The following PCDHA10 variants were observed in gnomAD, a reference collection of about 807,000 sequenced individuals.
The protein encoded by PCDHA10 is protocadherin alpha 10.
Under a neutral mutation model 61.2 loss-of-function variants are expected in PCDHA10, and 45 were observed. The ratio of observed to expected loss-of-function variants is 0.74; its 90% CI spans 0.58 to 0.94. The LOEUF (loss-of-function observed/expected upper bound fraction) is 0.94, where lower values mean the gene tolerates loss of function less well. Among genes scored for constraint, PCDHA10 ranks in the 40% least tolerant of loss-of-function variants. The probability of loss-of-function intolerance (pLI) is 0.00; values close to 1 mark genes in which losing one functional copy is unlikely to be tolerated. For synonymous variants in PCDHA10, 602 were observed against 548.8 expected, an observed-to-expected ratio of 1.10 and a Z score of -1.35; for missense variants, 1,278 against 1,236.2, an observed-to-expected ratio of 1.03 and a Z score of -0.51.
In PCDHA10 at chr5:140,858,376, A is replaced by G; in HGVS notation, c.2328A>G (p.Pro776=). Residue 776 remains proline (P), a synonymous_variant, in exon 1 of 4, where the codon CCA becomes CCG. Transcript: ENST00000307360. The part of the protein sequence containing the change: ...DLMAFSPSLP[P]CPMVDVDGED... ...TGGCCTTCAGCCCCAGCCTTCCACC[A>G]TGCCCAATGGTAGATGTGGACGGGG... 2 of 1,587,998 alleles carry G rather than the reference A, an allele frequency of 1.3e-6. No homozygotes were observed.
chr5:140,869,086 A>G (rs1554162467), intron 1 of PCDHA10: 1 of 1,584,176 alleles, frequency 6.3e-7, no homozygotes, highest in African/African-American at 1.4e-5. Context: ...CTTATTTTGG[A>G]AGCCAATTTC....
In PCDHA10 at chr5:140,868,769, A is replaced by G. The variant is rs144958028; in HGVS notation, c.2388+10333A>G. 95 of 255,700 alleles carry G rather than the reference A, an allele frequency of 3.7e-4. No individual in the cohort carries two copies. In the Middle Eastern group the frequency reaches 9.0e-3, roughly 24 times the overall value. 15.8% of individuals were successfully genotyped at this position (255,700 alleles called of 1,614,324 possible). On this transcript the variant is annotated intron_variant, in intron 1 of 3. Coordinates refer to ENST00000307360, the MANE Select transcript of PCDHA10 (RefSeq NM_018901.4). ...CCATTTCCATATATATTTAGTTTCA[A>G]TATGACTTATAATCTGAATATTCCA... is the stretch of plus-strand genomic sequence containing the variant.
chr5:140,934,703 A>G (rs1348150058), intron 1 of PCDHA10, among the ~76,000 whole-genome samples: 1 of 152,156 alleles, frequency 6.6e-6, no homozygotes, highest in Non-Finnish European at 1.5e-5. Flanking sequence ...ATTCCTGGCC[A>G]TCTTACAAAA....
chr5:140,944,316 T>C lies in PCDHA10; in HGVS notation c.2389-34633T>C, dbSNP rs140163712. On this transcript the variant is annotated intron_variant, in intron 1 of 3. Coordinates refer to ENST00000307360, the MANE Select transcript of PCDHA10 (RefSeq NM_018901.4). ...GATCCTCCTACCTCAGCCTCCTGAG[T>C]AGCTGGGATTACAAGCACGTGCCAC... 4.3e-3 allele frequency among the ~76,000 whole-genome samples: 654 copies of C among 152,070 alleles called. 5 individuals carry two copies. The highest frequency in any genetic ancestry group is 5.5e-3 in the Non-Finnish European group (376 of 67,970).
chr5:140,856,138 C>T lies in PCDHA10; in HGVS notation c.90C>T (p.Leu30=), dbSNP rs1463600919. 4 of 1,598,158 alleles carry T rather than the reference C, an allele frequency of 2.5e-6. No homozygotes were observed. Among genetic ancestry groups the T allele is most frequent in the East Asian group, 4.5e-5 (2 of 44,856 alleles). ...CCTGGGAGGTGGGGAGCGGCCAGCT[C>T]CACTACTCAGTCTACGAGGAGGCCA... ...LAAWEVGSGQ[L]HYSVYEEARH... is the part of the protein sequence containing the mutation. The change falls in exon 1 of 4, where the codon CTC becomes CTT. Residue 30 remains leucine, a synonymous_variant. Coordinates refer to ENST00000307360, the MANE Select transcript of PCDHA10 (RefSeq NM_018901.4).
At chr5:140,862,635 C>G in intron 1 of PCDHA10, 1 of 538,778 alleles carries the variant, frequency 1.9e-6, no homozygotes, top group Non-Finnish European at 3.8e-6. Context: ...GCTGCCACGA[C>G]TTCACAGTGT....
chr5:140,884,155 C>T (rs781815602), intron 1 of PCDHA10: 1 of 1,613,430 alleles, frequency 6.2e-7, no homozygotes, highest in Non-Finnish European at 8.5e-7. Flanking sequence ...TGTACACTGG[C>T]GAGATCAGCA....
intron 1 of PCDHA10, among the ~76,000 whole-genome samples, chr5:140,964,205 T>C (rs1483183685): frequency 6.6e-6 from 1 of 152,212 alleles, no homozygotes; most frequent in Admixed American, 6.5e-5. Context: ...TACCATCTCT[T>C]TAGTACAATG....
intron 1 of PCDHA10, chr5:140,969,495 C>G: frequency 7.0e-7 from 1 of 1,437,888 alleles, no homozygotes; most frequent in Non-Finnish European, 9.2e-7. Context: ...TATTTCCTCT[C>G]TAGAAAAATA....
chr5:140,933,130 AAGGTAGAT>A (rs1554209200), intron 1 of PCDHA10, among the ~76,000 whole-genome samples: 1 of 151,994 alleles, frequency 6.6e-6, no homozygotes, highest in East Asian at 1.9e-4. Context: ...CTAAATAATA[AAGGTAGAT>A]AGCCACTCAT....
Position 140,858,089 on chromosome 5 carries a change from G to T in PCDHA10, c.2041G>T (p.Ala681Ser). The T allele has an allele frequency of 1.3e-6, 2 of 1,597,872 alleles. No individual in the cohort carries two copies. Among genetic ancestry groups the T allele is most frequent in the East Asian group, 2.2e-5 (1 of 44,826 alleles). ...GSQAPKASSR[A>S]SVGVAPEVAL... ...CCAGGCACCCAAGGCCTCGTCGCGG[G>T]CTTCAGTGGGCGTGGCGCCCGAGGT... Residue 681 changes from alanine (A) to serine (S), a missense_variant, in exon 1 of 4, where the codon GCT (alanine) becomes TCT (serine). Coordinates refer to ENST00000307360, the MANE Select transcript of PCDHA10 (RefSeq NM_018901.4).
intron 2 of PCDHA10, among the ~76,000 whole-genome samples, chr5:140,980,889 T>C (rs1554242442): frequency 2.6e-5 from 4 of 152,202 alleles, no homozygotes; most frequent in Non-Finnish European, 4.4e-5. Flanking sequence ...GTCTTTCCAG[T>C]CTTGGACATC....
chr5:140,862,513 A>G, intron 1 of PCDHA10: 1 of 408,216 alleles, frequency 2.4e-6, no homozygotes, highest in Non-Finnish European at 4.9e-6. Context: ...ACTCGCTTTC[A>G]TTGTTGGCCA....
rs199571672 is a variant in PCDHA10 at position 140,994,794 on chromosome 5, T to C, written c.2536+12231T>C. On this transcript the variant is annotated intron_variant, in intron 3 of 3. Transcript: ENST00000307360. The stretch of plus-strand genomic sequence containing the variant: ...CCAGGCAAAGGAAACAATGCGTGCA[T>C]GCAAAAACAAAATACAAAAAACTGA... Among the ~76,000 whole-genome samples the C allele has an allele frequency of 7.2e-5, 11 of 152,270 alleles. No individual in the cohort carries two copies. The East Asian group carries it at 2.1e-3, about 29-fold the overall frequency.
intron 1 of PCDHA10, chr5:140,870,835 A>G (rs1304748663): frequency 1.9e-6 from 3 of 1,613,670 alleles, no homozygotes; most frequent in Admixed American, 3.3e-5. Context: ...CGCAGTTAAC[A>G]AGCTAGTACC....
chr5:140,871,372 G>A lies in PCDHA10; in HGVS notation c.2388+12936G>A. 7 of 1,614,234 alleles carry A rather than the reference G, an allele frequency of 4.3e-6. No homozygotes were observed. The highest frequency in any genetic ancestry group is 5.9e-6 in the Non-Finnish European group (7 of 1,180,036). On this transcript the variant is annotated intron_variant, in intron 1 of 3. Coordinates refer to ENST00000307360, the MANE Select transcript of PCDHA10 (RefSeq NM_018901.4). Reference sequence around the variant, plus strand: ...ATACTCGCAGCAGAGGCGGCAGAGGGTGTGCTCTGAGGAGGGCCCACCTAA... The same window carrying A: ...ATACTCGCAGCAGAGGCGGCAGAGGATGTGCTCTGAGGAGGGCCCACCTAA...
At chr5:140,892,891 C>T (rs563104545) in intron 1 of PCDHA10, among the ~76,000 whole-genome samples, 1 of 152,264 alleles carries the variant, frequency 6.6e-6, no homozygotes, top group South Asian at 2.1e-4. Context: ...ATTAACCAAC[C>T]TTTCCCCATC....
intron 1 of PCDHA10, chr5:140,870,671 A>C (rs782353440): frequency 1.2e-6 from 2 of 1,612,606 alleles, no homozygotes; most frequent in East Asian, 2.2e-5. Flanking sequence ...CAGCCGTTGG[A>C]CCACGAGGAG....
At chr5:140,956,724 C>T (rs2095305540) in intron 1 of PCDHA10, among the ~76,000 whole-genome samples, 1 of 152,176 alleles carries the variant, frequency 6.6e-6, no homozygotes, top group South Asian at 2.1e-4. Flanking sequence ...AGAATTGGTA[C>T]CAGCTCCTCT....
Sources: allele counts gnomAD v4.1 joint callset (sites outside exome capture counted in the v4.1 genomes callset), GRCh38; gene constraint gnomAD v4.1.1; transcripts MANE v1.5; gene names NCBI Gene and HGNC (gene_info 2026-07-23, HGNC 2026-07-21).